Variants in TP73 observed in about 807,000 individuals in gnomAD.
TP73 encodes p53-like transcription factor.
Under a neutral mutation model 62.5 loss-of-function variants are expected in TP73, and 25 were observed. That is an observed-to-expected ratio of 0.40 (90% CI 0.29 to 0.56). TP73 has a LOEUF of 0.56. Ranked by LOEUF, TP73 falls within the 20% of genes least tolerant of loss-of-function variation. The pLI, the probability that TP73 is intolerant of heterozygous loss-of-function variation, is 0.46. For missense variants in TP73, 754 were observed against 913.3 expected, an observed-to-expected ratio of 0.83 and a Z score of 2.25; for synonymous variants, 423 against 377.5, an observed-to-expected ratio of 1.12 and a Z score of -1.40.
intron 3 of TP73, among the ~76,000 whole-genome samples, chr1:3,695,480 C>A (rs756412926): frequency 6.6e-6 from 1 of 152,238 alleles, no homozygotes; most frequent in African/African-American, 2.4e-5. Flanking sequence ...CCACCCTGCC[C>A]CTCCGCATGG....
At chr1:3,679,014 C>T (rs1191161440) in intron 1 of TP73, among the ~76,000 whole-genome samples, 15 of 152,196 alleles carry the variant, frequency 9.9e-5, no homozygotes, top group Admixed American at 6.5e-4. Context: ...CGGGTGGGAT[C>T]GGGGACCCAC....
Position 3,707,437 on chromosome 1 carries a change from G to A in TP73, c.187-112G>A, listed in dbSNP as rs1162337096. On this transcript the variant is annotated intron_variant, in intron 3 of 13. Coordinates refer to ENST00000378295, the MANE Select transcript of TP73 (RefSeq NM_005427.4). ...GGGAGAGACCCGGGGAAATATTTGGGATGACTGGAGCCGCTGGCCCTTTAA... is the reference window on the plus strand; with the variant it reads ...GGGAGAGACCCGGGGAAATATTTGGAATGACTGGAGCCGCTGGCCCTTTAA... 15 of 1,437,480 alleles carry A rather than the reference G, an allele frequency of 1.0e-5. No individual in the cohort carries two copies. In the East Asian group the frequency reaches 1.6e-4, roughly 15 times the overall value. 89.0% of individuals were successfully genotyped at this position (1,437,480 alleles called of 1,614,324 possible).
intron 3 of TP73, chr1:3,690,955 C>T (rs984143053): frequency 4.4e-6 from 7 of 1,577,228 alleles, no homozygotes; most frequent in Admixed American, 3.6e-5. Context: ...GTAGGTGTGA[C>T]GCGCCATTCA....
intron 1 of TP73, among the ~76,000 whole-genome samples, chr1:3,675,373 A>C (rs1346877169): frequency 1.3e-5 from 2 of 152,102 alleles, no homozygotes; most frequent in Admixed American, 6.5e-5. Context: ...TCAGATTGGA[A>C]TCGTTGATCT....
At chr1:3,655,852 T>C (rs1644853757) in intron 1 of TP73, among the ~76,000 whole-genome samples, 1 of 152,222 alleles carries the variant, frequency 6.6e-6, no homozygotes. Context: ...TCCTTCTCTG[T>C]GGGTCGTGCA....
intron 4 of TP73, among the ~76,000 whole-genome samples, chr1:3,718,604 C>G (rs1425911773): frequency 6.6e-6 from 1 of 152,158 alleles, no homozygotes; most frequent in Non-Finnish European, 1.5e-5. Context: ...AAACCCCTCA[C>G]GCTGTTGAGA....
At chr1:3,727,877 G>GC (rs1370759693) in intron 8 of TP73, 107 bp downstream of exon 8, 35 of 1,412,660 alleles carry the variant, frequency 2.5e-5, no homozygotes, top group Non-Finnish European at 3.0e-5. Context: ...TCCCTGAACG[G>GC]CCCCCCACGC....
intron 10 of TP73, 41 bp from the exon 11 acceptor site, chr1:3,729,959 T>A: frequency 4.5e-6 from 7 of 1,547,674 alleles, no homozygotes; most frequent in Non-Finnish European, 6.1e-6. Context: ...GGCACGAGGC[T>A]GCCTTGCTTC....
intron 4 of TP73, 93 bp downstream of exon 4, chr1:3,707,884 C>T (rs1448673904): frequency 9.0e-5 from 135 of 1,497,148 alleles, no homozygotes; most frequent in Non-Finnish European, 1.1e-4. Flanking sequence ...GGTCTGAGCT[C>T]GCCCCACTGT....
In TP73 at chr1:3,727,713, C is replaced by T. The variant is rs781100930; in HGVS notation, c.928C>T (p.Arg310Trp). 1.8e-5 allele frequency: 28 copies of T among 1,574,446 alleles called. No homozygotes were observed. Among genetic ancestry groups the T allele is most frequent in the Admixed American group, 5.6e-5 (3 of 53,568 alleles). ...CCGAAAAGCTGATGAGGACCACTAC[C>T]GGGAGCAGCAGGCCCTGAACGAGAG... is the stretch of plus-strand genomic sequence containing the variant. ...RDRKADEDHY[R>W]EQQALNESSA... The change falls in exon 8 of 14, where the codon CGG becomes TGG. Residue 310 changes from arginine (R) to tryptophan (W), a missense_variant. Physicochemically the swap from Arg to Trp is moderately radical, Grantham distance 101 (BLOSUM62 -3). This residue lies in a region of TP73 where 458 missense variants were observed against 528.7 expected (regional missense o/e 0.87). Coordinates refer to ENST00000378295, the MANE Select transcript of TP73 (RefSeq NM_005427.4).
chr1:3,690,810 C>G (rs920885215), intron 3 of TP73: 1 of 1,534,092 alleles, frequency 6.5e-7, no homozygotes, highest in African/African-American at 1.4e-5. Context: ...TGCCGGGCGG[C>G]CACGACCGTG....
intron 3 of TP73, among the ~76,000 whole-genome samples, chr1:3,700,065 G>A (rs990128241): frequency 1.3e-5 from 2 of 151,968 alleles, no homozygotes; most frequent in African/African-American, 4.8e-5. Context: ...TGCTGTCTAC[G>A]GGGCAGGAGC....
chr1:3,700,457 TA>T (rs5772119), intron 3 of TP73, among the ~76,000 whole-genome samples: 43,241 of 151,892 alleles, frequency 0.28, 7,651 homozygotes, highest in Non-Finnish European at 0.38. Context: ...AGGAGTGGAC[TA>T]GGGGGGAACA....
chr1:3,729,421 G>T lies in TP73; in HGVS notation c.1169G>T (p.Arg390Leu). 1 of 1,612,858 alleles carries T rather than the reference G, an allele frequency of 6.2e-7. No homozygotes were observed. The highest frequency in any genetic ancestry group is 8.5e-7 in the Non-Finnish European group (1 of 1,179,980). Residue 390 changes from arginine to leucine, a missense_variant, in exon 10 of 14, where the codon CGG (arginine) becomes CTG (leucine). This residue lies in a region of TP73 where 458 missense variants were observed against 528.7 expected (regional missense o/e 0.87). Transcript: ENST00000378295. ...CCGCAGCCACTGGTGGACTCCTATC[G>T]GCAGCAGCAGCAGCTCCTACAGAGG... ...LVPQPLVDSY[R>L]QQQQLLQRPS...
intron 3 of TP73, among the ~76,000 whole-genome samples, chr1:3,684,545 T>TCCAGTCA (rs1645604580): frequency 6.6e-6 from 1 of 152,086 alleles, no homozygotes. Context: ...GCTGTGGGGC[T>TCCAGTCA]CCAGTCAGAA....
chr1:3,688,481 T>C (rs759401282), intron 3 of TP73, among the ~76,000 whole-genome samples: 32 of 152,158 alleles, frequency 2.1e-4, no homozygotes, highest in East Asian at 5.8e-4. Flanking sequence ...GGCAGCGTCG[T>C]TCCCCCCTGT....
intron 1 of TP73, among the ~76,000 whole-genome samples, chr1:3,669,478 C>T (rs1225271000): frequency 6.6e-6 from 1 of 152,238 alleles, no homozygotes; most frequent in Non-Finnish European, 1.5e-5. Context: ...CTTGGACCCA[C>T]CAGGAGCTCT....
intron 4 of TP73, among the ~76,000 whole-genome samples, chr1:3,708,749 G>A (rs1054264348): frequency 3.3e-5 from 5 of 152,210 alleles, no homozygotes; most frequent in South Asian, 2.1e-4. Context: ...AGAGCCCTCC[G>A]GGTCTCCCCT....
intron 5 of TP73, 131 bp downstream of exon 5, chr1:3,722,338 T>C: frequency 1.8e-6 from 2 of 1,131,666 alleles, no homozygotes; most frequent in Non-Finnish European, 2.5e-6. Context: ...GCGGAGGGCT[T>C]TCAGTGCCTC....
Sources: allele counts gnomAD v4.1 joint callset (sites outside exome capture counted in the v4.1 genomes callset), GRCh38; gene constraint gnomAD v4.1.1; regional missense constraint gnomAD v4.1.1; transcripts MANE v1.5; gene names NCBI Gene and HGNC (gene_info 2026-07-23, HGNC 2026-07-21).